ETV1: variants seen among roughly 807,000 people sequenced by gnomAD.
The protein encoded by ETV1 is ETS translocation variant 1.
Under a neutral mutation model 62.3 loss-of-function variants are expected in ETV1, and 27 were observed. That is an observed-to-expected ratio of 0.43 (90% CI 0.32 to 0.60). The LOEUF is 0.60. ETV1 is among the 20% of genes least tolerant of loss of function. The probability of loss-of-function intolerance (pLI) is 0.06; values close to 1 mark genes in which losing one functional copy is unlikely to be tolerated. For synonymous variants in ETV1, 222 were observed against 199.6 expected (o/e 1.11, Z -0.94); for missense variants, 605 against 605.8 (o/e 1.00, Z 0.01).
chr7:13,987,792 G>C (rs1042029565), intron 4 of ETV1, among the ~76,000 whole-genome samples: 1 of 152,170 alleles, frequency 6.6e-6, no homozygotes, highest in Non-Finnish European at 1.5e-5. Context: ...CTTAGTGAAT[G>C]GGGTGAGTTA....
At chr7:13,963,484 G>A (rs1198222283) in intron 6 of ETV1, among the ~76,000 whole-genome samples, 1 of 146,518 alleles carries the variant, frequency 6.8e-6, no homozygotes, top group African/African-American at 2.5e-5. Flanking sequence ...CACAACCATT[G>A]AAATTTTGCA....
intron 7 of ETV1, among the ~76,000 whole-genome samples, chr7:13,936,423 A>G (rs1786811292): frequency 6.6e-6 from 1 of 152,220 alleles, no homozygotes; most frequent in Non-Finnish European, 1.5e-5. Context: ...TATTAAATAA[A>G]TGATGCTTGG....
chr7:13,951,822 A>T (rs749851341), intron 6 of ETV1, among the ~76,000 whole-genome samples: 3 of 152,204 alleles, frequency 2.0e-5, no homozygotes, highest in Non-Finnish European at 4.4e-5. Context: ...TAATGACGTA[A>T]CACATAATGA....
chr7:13,897,100 G>T (rs1781924709), intron 13 of ETV1, among the ~76,000 whole-genome samples: 1 of 150,372 alleles, frequency 6.7e-6, no homozygotes, highest in Admixed American at 6.7e-5. Flanking sequence ...TGAGTGAGAT[G>T]AATACGCCTC....
At chr7:13,952,452 A>T (rs561545095) in intron 6 of ETV1, among the ~76,000 whole-genome samples, 2 of 152,322 alleles carry the variant, frequency 1.3e-5, no homozygotes, top group South Asian at 4.1e-4. Context: ...AACTGAGGGC[A>T]TTTGCTGCAT....
intron 12 of ETV1, among the ~76,000 whole-genome samples, chr7:13,901,087 C>A (rs375899530): frequency 6.6e-6 from 1 of 151,546 alleles, no homozygotes. Flanking sequence ...TCACTGCAAC[C>A]TCCGCCTCCT....
chr7:13,961,995 G>C (rs1790222328), intron 6 of ETV1, among the ~76,000 whole-genome samples: 1 of 151,938 alleles, frequency 6.6e-6, no homozygotes, highest in African/African-American at 2.4e-5. Context: ...TTATGAGTAT[G>C]AAGAAAAACA....
intron 5 of ETV1, among the ~76,000 whole-genome samples, chr7:13,984,921 T>C (rs1157557669): frequency 1.3e-5 from 1 of 79,008 alleles, no homozygotes; most frequent in Non-Finnish European, 2.5e-5. Flanking sequence ...AACAAGTAAG[T>C]CAAAAGTTAA....
intron 12 of ETV1, among the ~76,000 whole-genome samples, chr7:13,902,191 T>G (rs1199353209): frequency 6.6e-6 from 1 of 152,144 alleles, no homozygotes; most frequent in Admixed American, 6.5e-5. Context: ...TGTTGCTATG[T>G]CATATATACT....
At chr7:13,963,416 AT>A (rs548357014) in intron 6 of ETV1, among the ~76,000 whole-genome samples, 100 of 152,182 alleles carry the variant, frequency 6.6e-4, no homozygotes, top group African/African-American at 2.3e-3. Flanking sequence ...TAATATGAAA[AT>A]AAGAGCATAT....
chr7:13,937,649 T>A (rs1786961974), intron 7 of ETV1, among the ~76,000 whole-genome samples: 1 of 152,242 alleles, frequency 6.6e-6, no homozygotes, highest in Non-Finnish European at 1.5e-5. Flanking sequence ...CCTCAATATG[T>A]TAAATAATTA....
intron 9 of ETV1, among the ~76,000 whole-genome samples, chr7:13,923,134 G>A (rs768177666): frequency 1.4e-4 from 22 of 152,132 alleles, no homozygotes; most frequent in Non-Finnish European, 2.8e-4. Context: ...GCTCTGACAT[G>A]TCATCTCCAA....
chr7:13,933,788 G>A (rs758767733), intron 8 of ETV1, among the ~76,000 whole-genome samples: 1 of 152,210 alleles, frequency 6.6e-6, no homozygotes, highest in East Asian at 1.9e-4. Flanking sequence ...GGGGTCAGTG[G>A]GAAAAGACCC....
intron 6 of ETV1, among the ~76,000 whole-genome samples, chr7:13,949,902 T>C (rs10271964): frequency 6.6e-6 from 1 of 152,058 alleles, no homozygotes; most frequent in Non-Finnish European, 1.5e-5. Flanking sequence ...TTTTCTTAAA[T>C]AATATTCTTT....
chr7:13,964,768 G>T lies in ETV1; in HGVS notation c.235+12659C>A, dbSNP rs373769729. Among the ~76,000 whole-genome samples, 149 of 151,994 alleles carry T rather than the reference G, an allele frequency of 9.8e-4. 3 individuals are homozygous for T. In the South Asian group the frequency reaches 0.03, roughly 30 times the overall value. ...AGTATCTTATAGTGAATCTGATAAAGAAAAAAATCACTAATGAGTGAAAGC... is the reference window on the plus strand; with the variant it reads ...AGTATCTTATAGTGAATCTGATAAATAAAAAAATCACTAATGAGTGAAAGC... On this transcript the variant is annotated intron_variant, in intron 6 of 13. Coordinates refer to ENST00000430479, the MANE Select transcript of ETV1 (RefSeq NM_004956.5).
chr7:13,962,673 T>C (rs1234233177), intron 6 of ETV1, among the ~76,000 whole-genome samples: 2 of 152,208 alleles, frequency 1.3e-5, no homozygotes, highest in African/African-American at 2.4e-5. Context: ...TATGTATACA[T>C]AGAACTTAAC....
chr7:13,929,200 G>C (rs889732779), intron 9 of ETV1, among the ~76,000 whole-genome samples: 67 of 152,138 alleles, frequency 4.4e-4, no homozygotes, highest in African/African-American at 1.6e-3. Flanking sequence ...CCACTGTATT[G>C]CAGGGTTCTT....
intron 3 of ETV1, 57 bp from the exon 4 acceptor site, chr7:13,988,230 G>A (rs934763460): frequency 2.0e-6 from 2 of 984,168 alleles, no homozygotes; most frequent in Non-Finnish European, 3.2e-6. Flanking sequence ...TCACACACAC[G>A]CACACGCGCG....
At chr7:13,978,640 C>G (rs567245422) in intron 5 of ETV1, among the ~76,000 whole-genome samples, 100 of 151,820 alleles carry the variant, frequency 6.6e-4, no homozygotes, top group African/African-American at 2.3e-3. Context: ...TAAACAGTCT[C>G]TTTTGAAAAT....
Sources: gnomAD v4.1 joint callset for allele counts (sites outside exome capture counted in the v4.1 genomes callset) on GRCh38, gnomAD v4.1.1 for gene constraint, MANE v1.5 for transcripts, NCBI Gene and HGNC (gene_info 2026-07-23, HGNC 2026-07-21) for gene names.